C1orf185: variants seen among roughly 807,000 people sequenced by gnomAD.
The protein encoded by C1orf185 is chromosome 1 open reading frame 185.
A neutral mutation model predicts 16.1 loss-of-function variants in C1orf185; 13 were observed. The ratio of observed to expected loss-of-function variants is 0.81; its 90% CI spans 0.53 to 1.28. The LOEUF is 1.28. Ranked by LOEUF, C1orf185 falls within the 50% of genes most tolerant of loss-of-function variation. C1orf185 has a pLI of 0.00. For synonymous variants in C1orf185, 80 were observed against 76.9 expected, an observed-to-expected ratio of 1.04 and a Z score of -0.21; for missense variants, 220 against 225.2, an observed-to-expected ratio of 0.98 and a Z score of 0.15.
chr1:51,143,789 A>T lies in C1orf185; in HGVS notation c.259-1935A>T, dbSNP rs921401633. Among the ~76,000 whole-genome samples, 13 of 152,314 alleles carry T rather than the reference A, an allele frequency of 8.5e-5. No homozygotes were observed. In the South Asian group the frequency reaches 1.7e-3, roughly 19 times the overall value. ...GATATCCTTGCGCCTCAACCCCCAG[A>T]GTAGCTGGCTCTACAGGCATGCGCC... On this transcript the variant is annotated intron_variant, in intron 3 of 4. Coordinates refer to ENST00000371759, the MANE Select transcript of C1orf185 (RefSeq NM_001136508.2).
chr1:51,135,400 G>A lies in C1orf185; in HGVS notation c.259-10324G>A, dbSNP rs374500386. Among the ~76,000 whole-genome samples the A allele has an allele frequency of 4.0e-3, 602 of 152,136 alleles. 1 individual carries two copies. The highest frequency in any genetic ancestry group is 5.1e-3 in the Non-Finnish European group (344 of 67,992). On this transcript the variant is annotated intron_variant, in intron 3 of 4. Transcript: ENST00000371759. ...ACTAAAAATACAAAATTAGCCGGGC[G>A]TGGTGGCACATGCCTGTAGTCCCAG...
At chr1:51,114,688 A>G (rs1220643293) in intron 2 of C1orf185, among the ~76,000 whole-genome samples, 2 of 152,178 alleles carry the variant, frequency 1.3e-5, no homozygotes, top group Admixed American at 6.5e-5. Context: ...CCACCACTGC[A>G]CTCCAGCCTG....
intron 1 of C1orf185, among the ~76,000 whole-genome samples, chr1:51,109,233 A>G (rs1359914500): frequency 6.6e-6 from 1 of 152,138 alleles, no homozygotes; most frequent in African/African-American, 2.4e-5. Context: ...AGAAATGTCT[A>G]TTCAGATCAT....
chr1:51,107,305 A>G (rs955547971), intron 1 of C1orf185: 10 of 152,176 alleles, frequency 6.6e-5, no homozygotes, highest in Non-Finnish European at 8.8e-5. Context: ...TTCTTCTCTC[A>G]TCACTACTGC....
At chr1:51,122,757 C>G (rs72692275) in intron 3 of C1orf185, among the ~76,000 whole-genome samples, 3,360 of 152,316 alleles carry the variant, frequency 0.022, 62 homozygotes, top group Non-Finnish European at 0.036. Flanking sequence ...TCCCTCTGCT[C>G]TAACCCCTGG....
chr1:51,123,648 G>T (rs915970257), intron 3 of C1orf185, among the ~76,000 whole-genome samples: 4 of 152,122 alleles, frequency 2.6e-5, no homozygotes, highest in South Asian at 2.1e-4. Flanking sequence ...GAGAGTTCCT[G>T]TTGTTCCCCA....
At chr1:51,124,224 G>A (rs902912260) in intron 3 of C1orf185, among the ~76,000 whole-genome samples, 6 of 152,104 alleles carry the variant, frequency 3.9e-5, no homozygotes, top group South Asian at 2.1e-4. Flanking sequence ...TGGGACTACA[G>A]GCGCCCGCCA....
chr1:51,128,354 C>G (rs1186446538), intron 3 of C1orf185, among the ~76,000 whole-genome samples: 6 of 152,086 alleles, frequency 3.9e-5, no homozygotes, highest in African/African-American at 1.2e-4. Context: ...CATGGACTTG[C>G]CAACATATGG....
chr1:51,111,370 C>CTTTTTTTTTTTTTTTTTTT lies in C1orf185; in HGVS notation c.17-1091_17-1090insTTTTTTTTTTTTTTTTTTT, dbSNP rs35232347. ...ATATTGCTTTCATTTAGCTTTCTTT[C>CTTTTTTTTTTTTTTTTTTT]TTTCTTTTTTTTTTTTTTTGAGAGA... is the stretch of plus-strand genomic sequence containing the variant. On this transcript the variant is annotated intron_variant, in intron 1 of 4. Coordinates refer to ENST00000371759, the MANE Select transcript of C1orf185 (RefSeq NM_001136508.2). Among the ~76,000 whole-genome samples the CTTTTTTTTTTTTTTTTTTT allele has an allele frequency of 1.1e-3, 125 of 114,384 alleles. 8 individuals carry two copies. Among genetic ancestry groups the CTTTTTTTTTTTTTTTTTTT allele is most frequent in the Non-Finnish European group, 1.4e-3 (77 of 55,484 alleles). 75.0% of individuals were successfully genotyped at this position (114,384 alleles called of 152,430 possible).
chr1:51,118,330 T>C (rs1015466997), intron 2 of C1orf185, among the ~76,000 whole-genome samples: 1 of 152,180 alleles, frequency 6.6e-6, no homozygotes, highest in African/African-American at 2.4e-5. Flanking sequence ...CTAATTAACA[T>C]TAAAACCAAC....
intron 3 of C1orf185, among the ~76,000 whole-genome samples, chr1:51,124,081 G>GC (rs1646219060): frequency 8.8e-6 from 1 of 113,590 alleles, no homozygotes; most frequent in East Asian, 2.5e-4. Context: ...ACTGTAGTTT[G>GC]TTTTTTTTTT....
At chr1:51,151,391 G>A (rs1646428733), downstream of C1orf185, among the ~76,000 whole-genome samples, 1 of 152,126 alleles carries the variant, frequency 6.6e-6, no homozygotes, top group Non-Finnish European at 1.5e-5. Flanking sequence ...TTTAAGGAGA[G>A]AAATTGGAGA....
At chr1:51,102,413 G>C (rs1298894167) in intron 1 of C1orf185, 164 bp downstream of exon 1, 1 of 422,362 alleles carries the variant, frequency 2.4e-6, no homozygotes. Flanking sequence ...AGTTATTGGG[G>C]CTATTTTCTT....
At chr1:51,144,886 T>C (rs72894405) in intron 3 of C1orf185, among the ~76,000 whole-genome samples, 5,351 of 152,246 alleles carry the variant, frequency 0.035, 245 homozygotes, top group African/African-American at 0.1. Flanking sequence ...CCAAACGCTC[T>C]ATGCTTTTGC....
intron 1 of C1orf185, among the ~76,000 whole-genome samples, chr1:51,103,449 A>AC (rs71063010): frequency 0.074 from 10,452 of 141,392 alleles, 503 homozygotes; most frequent in Admixed American, 0.14. Flanking sequence ...ACACACACAC[A>AC]AAAACCACGA....
intron 3 of C1orf185, among the ~76,000 whole-genome samples, chr1:51,142,875 T>A (rs1198955204): frequency 1.3e-5 from 2 of 152,150 alleles, no homozygotes; most frequent in Non-Finnish European, 2.9e-5. Context: ...CAGATTCTCA[T>A]GCCTCAGCCT....
At chr1:51,118,362 G>T (rs1006433264) in intron 2 of C1orf185, among the ~76,000 whole-genome samples, 4 of 152,136 alleles carry the variant, frequency 2.6e-5, no homozygotes, top group Non-Finnish European at 5.9e-5. Context: ...CAACCAGAAA[G>T]AAGTATATCA....
chr1:51,142,677 A>C (rs1382940489), intron 3 of C1orf185, among the ~76,000 whole-genome samples: 1 of 152,214 alleles, frequency 6.6e-6, no homozygotes, highest in African/African-American at 2.4e-5. Flanking sequence ...ATTTATTAGT[A>C]TAAAGTTGTT....
At chr1:51,128,781 G>A (rs1387151467) in intron 3 of C1orf185, among the ~76,000 whole-genome samples, 1 of 152,196 alleles carries the variant, frequency 6.6e-6, no homozygotes, top group African/African-American at 2.4e-5. Context: ...TTGGCTAGCT[G>A]TATATATTTG....
Sources: allele counts gnomAD v4.1 joint callset (sites outside exome capture counted in the v4.1 genomes callset), GRCh38; gene constraint gnomAD v4.1.1; transcripts MANE v1.5; gene names NCBI Gene and HGNC (gene_info 2026-07-23, HGNC 2026-07-21).